PACRG: variants seen among roughly 807,000 people sequenced by gnomAD.
The protein encoded by PACRG is parkin coregulated gene protein.
Under a neutral mutation model 29.7 loss-of-function variants are expected in PACRG, and 29 were observed. The ratio of observed to expected loss-of-function variants is 0.98; its 90% CI spans 0.73 to 1.33. The LOEUF (loss-of-function observed/expected upper bound fraction) is 1.33, where lower values mean the gene tolerates loss of function less well. Among genes scored for constraint, PACRG ranks in the 40% most tolerant of loss-of-function variants. The probability of loss-of-function intolerance (pLI) is 0.00; values close to 1 mark genes in which losing one functional copy is unlikely to be tolerated. For synonymous variants in PACRG, 116 were observed against 118.7 expected, an observed-to-expected ratio of 0.98 and a Z score of 0.15; for missense variants, 279 against 316.2, an observed-to-expected ratio of 0.88 and a Z score of 0.89.
At chr6:162,893,698 C>T (rs558591288) in intron 2 of PACRG, among the ~76,000 whole-genome samples, 27 of 152,176 alleles carry the variant, frequency 1.8e-4, no homozygotes, top group Non-Finnish European at 2.4e-4. Context: ...ATCGATAGAC[C>T]GTGCAGCACT....
At chr6:163,098,534 G>A (rs1814807778) in intron 4 of PACRG, among the ~76,000 whole-genome samples, 1 of 152,174 alleles carries the variant, frequency 6.6e-6, no homozygotes, top group African/African-American at 2.4e-5. Flanking sequence ...CAGATGCCGG[G>A]TGACAGTTGG....
Position 162,984,017 on chromosome 6 carries a change from C to CTT in PACRG, c.292-78131_292-78130dup, listed in dbSNP as rs34510834. Among the ~76,000 whole-genome samples the CTT allele has an allele frequency of 1.7e-3, 253 of 146,176 alleles. 2 individuals carry two copies. The highest frequency in any genetic ancestry group is 6.5e-3 in the South Asian group (30 of 4,648). Reference sequence around the variant, plus strand: ...TTGTTCATTTTTAAAATTCTTTTTTCTTTAAAAATTTTTTTTATTTCAATA... The same window carrying CTT: ...TTGTTCATTTTTAAAATTCTTTTTTCTTTTTAAAAATTTTTTTTATTTCAATA... On this transcript the variant is annotated intron_variant, in intron 2 of 4. Coordinates refer to ENST00000366888, the MANE Select transcript of PACRG (RefSeq NM_001080379.2).
At chr6:162,888,056 A>T (rs1794484112) in intron 2 of PACRG, among the ~76,000 whole-genome samples, 1 of 152,048 alleles carries the variant, frequency 6.6e-6, no homozygotes, top group African/African-American at 2.4e-5. Context: ...CAGCCTCAGG[A>T]GGAGATGAAC....
chr6:163,095,334 A>C (rs528737818), intron 4 of PACRG: 88 of 984,752 alleles, frequency 8.9e-5, no homozygotes, highest in Non-Finnish European at 1.0e-4. Context: ...TTCTCTGTAG[A>C]CCTCCCTGGT....
intron 4 of PACRG, among the ~76,000 whole-genome samples, chr6:163,127,050 G>T (rs185345196): frequency 6.6e-6 from 1 of 152,328 alleles, no homozygotes; most frequent in Non-Finnish European, 1.5e-5. Context: ...CAACTCTGAG[G>T]AGTTGTCAGA....
intron 4 of PACRG, among the ~76,000 whole-genome samples, chr6:163,100,275 A>G (rs79318039): frequency 0.018 from 2,729 of 152,186 alleles, 93 homozygotes; most frequent in African/African-American, 0.063. Context: ...CGCAGGGTCA[A>G]AAATGCCCCC....
At chr6:162,754,873 T>C (rs1234562147) in intron 1 of PACRG, among the ~76,000 whole-genome samples, 3 of 152,174 alleles carry the variant, frequency 2.0e-5, no homozygotes, top group African/African-American at 7.2e-5. Context: ...AGTTCTTTAA[T>C]TGTTTTGTAG....
chr6:163,119,264 G>A (rs186091429), intron 4 of PACRG, among the ~76,000 whole-genome samples: 4 of 152,316 alleles, frequency 2.6e-5, no homozygotes, highest in East Asian at 3.9e-4. Flanking sequence ...TGAGATATGC[G>A]AGCACGCTGC....
chr6:163,002,104 G>A (rs926175803), intron 2 of PACRG, among the ~76,000 whole-genome samples: 13 of 152,140 alleles, frequency 8.5e-5, no homozygotes, highest in African/African-American at 2.9e-4. Flanking sequence ...TTTTCAGAAC[G>A]ACAGAATATT....
At chr6:163,184,650 A>G (rs2128356275) in intron 4 of PACRG, among the ~76,000 whole-genome samples, 1 of 152,310 alleles carries the variant, frequency 6.6e-6, no homozygotes, top group Admixed American at 6.5e-5. Context: ...AGCTCCTAAG[A>G]ATATCCCTGT....
At chr6:162,911,565 C>T (rs1211219094) in intron 2 of PACRG, among the ~76,000 whole-genome samples, 2 of 152,180 alleles carry the variant, frequency 1.3e-5, no homozygotes, top group Non-Finnish European at 2.9e-5. Context: ...GATAGATATG[C>T]AGTGAACAAC....
At chr6:163,034,258 G>T (rs1315825154) in intron 2 of PACRG, among the ~76,000 whole-genome samples, 1 of 152,158 alleles carries the variant, frequency 6.6e-6, no homozygotes, top group Non-Finnish European at 1.5e-5. Flanking sequence ...GGAAGAAAAA[G>T]CTCCCCATGT....
chr6:163,196,061 C>T (rs547732709), intron 4 of PACRG, among the ~76,000 whole-genome samples: 3 of 152,342 alleles, frequency 2.0e-5, no homozygotes, highest in African/African-American at 7.2e-5. Context: ...GCTCAGTTTC[C>T]TTCAGTTTCC....
At chr6:163,221,414 G>T (rs982446301) in intron 4 of PACRG, among the ~76,000 whole-genome samples, 4 of 152,184 alleles carry the variant, frequency 2.6e-5, no homozygotes, top group Non-Finnish European at 5.9e-5. Context: ...ACGTGCCTTT[G>T]TGCCTTGCCT....
chr6:163,222,254 C>T (rs993048770), intron 4 of PACRG, among the ~76,000 whole-genome samples: 3 of 152,124 alleles, frequency 2.0e-5, no homozygotes, highest in African/African-American at 7.2e-5. Flanking sequence ...AATGAAGGTC[C>T]CCCATGGTCC....
chr6:163,154,796 A>G (rs930536702), intron 4 of PACRG, among the ~76,000 whole-genome samples: 7 of 152,232 alleles, frequency 4.6e-5, no homozygotes, highest in African/African-American at 1.7e-4. Flanking sequence ...TGATCAGGCA[A>G]CTACAGGAAG....
intron 4 of PACRG, among the ~76,000 whole-genome samples, chr6:163,096,345 G>T (rs1814584532): frequency 7.2e-6 from 1 of 138,572 alleles, no homozygotes; most frequent in Non-Finnish European, 1.5e-5. Flanking sequence ...CAGCTGGGCA[G>T]GAGGCTCAGG....
At chr6:163,149,911 G>A (rs965505115) in intron 4 of PACRG, among the ~76,000 whole-genome samples, 1 of 152,192 alleles carries the variant, frequency 6.6e-6, no homozygotes, top group African/African-American at 2.4e-5. Context: ...GAAACTCAGA[G>A]ATGCCTGGGA....
intron 2 of PACRG, among the ~76,000 whole-genome samples, chr6:162,854,665 C>T (rs1176274545): frequency 1.3e-5 from 2 of 152,152 alleles, no homozygotes; most frequent in African/African-American, 2.4e-5. Context: ...TTGGTATGTA[C>T]GCATGAGAGT....
Sources: allele counts gnomAD v4.1 joint callset (sites outside exome capture counted in the v4.1 genomes callset), GRCh38; gene constraint gnomAD v4.1.1; transcripts MANE v1.5; gene names NCBI Gene and HGNC (gene_info 2026-07-23, HGNC 2026-07-21).